CDH12: variants seen among roughly 807,000 people sequenced by gnomAD.
The protein encoded by CDH12 is cadherin 12.
CDH12 carries 41 observed loss-of-function variants against 74.1 expected under a neutral mutation model. That is an observed-to-expected ratio of 0.55 (90% CI 0.43 to 0.72). CDH12 has a LOEUF of 0.72. Ranked by LOEUF, CDH12 falls within the 30% of genes least tolerant of loss-of-function variation. CDH12 has a pLI of 0.00. For missense variants in CDH12, 945 were observed against 977.2 expected (o/e 0.97, Z 0.44); for synonymous variants, 399 against 355.0 (o/e 1.12, Z -1.39).
intron 2 of CDH12, among the ~76,000 whole-genome samples, chr5:22,499,140 C>T (rs930355046): frequency 5.9e-5 from 9 of 151,450 alleles, no homozygotes; most frequent in African/African-American, 1.9e-4. Flanking sequence ...TTTTGAACTC[C>T]TGACCTCAAG....
intron 2 of CDH12, among the ~76,000 whole-genome samples, chr5:22,444,458 G>T (rs1744741857): frequency 6.6e-6 from 1 of 151,782 alleles, no homozygotes. Context: ...GAAATGATAT[G>T]AAAAGGCAAC....
At chr5:22,655,528 C>A (rs1739987267) in intron 1 of CDH12, among the ~76,000 whole-genome samples, 1 of 152,200 alleles carries the variant, frequency 6.6e-6, no homozygotes. Context: ...CAAGCAAGAT[C>A]CATTTTGCAT....
At chr5:21,827,611 C>G (rs4336326) in intron 8 of CDH12, among the ~76,000 whole-genome samples, 132,336 of 152,124 alleles carry the variant, frequency 0.87, 57,822 homozygotes, top group South Asian at 0.91. Context: ...TAATAAATGC[C>G]TATCTGCAAA....
intron 7 of CDH12, among the ~76,000 whole-genome samples, chr5:21,847,789 C>T (rs1372524986): frequency 6.6e-6 from 1 of 152,108 alleles, no homozygotes; most frequent in Non-Finnish European, 1.5e-5. Context: ...CATACATACT[C>T]TTCCTTAATA....
chr5:21,908,453 G>A (rs2150061018), intron 6 of CDH12, among the ~76,000 whole-genome samples: 1 of 152,274 alleles, frequency 6.6e-6, no homozygotes, highest in Middle Eastern at 3.4e-3. Context: ...CCCTGCATGG[G>A]TTGGGCCAAG....
chr5:21,929,938 C>T (rs1016194501), intron 6 of CDH12, among the ~76,000 whole-genome samples: 10 of 152,136 alleles, frequency 6.6e-5, no homozygotes, highest in African/African-American at 2.4e-4. Flanking sequence ...GCCCAAAATG[C>T]CCTCTGGAAA....
chr5:21,894,181 C>G (rs145948749), intron 6 of CDH12, among the ~76,000 whole-genome samples: 31 of 152,106 alleles, frequency 2.0e-4, no homozygotes, highest in African/African-American at 7.5e-4. Flanking sequence ...CAGTTCGAGA[C>G]CAGTCTCATG....
At chr5:22,322,581 T>C (rs1446476378) in intron 3 of CDH12, among the ~76,000 whole-genome samples, 1 of 152,182 alleles carries the variant, frequency 6.6e-6, no homozygotes, top group Non-Finnish European at 1.5e-5. Context: ...TCTGAGACAC[T>C]CATACACATA....
At chr5:22,835,182 G>C (rs1183621231) in intron 1 of CDH12, among the ~76,000 whole-genome samples, 1 of 151,832 alleles carries the variant, frequency 6.6e-6, no homozygotes, top group African/African-American at 2.4e-5. Flanking sequence ...GTCATATCAT[G>C]ATTATTTTTA....
intron 4 of CDH12, among the ~76,000 whole-genome samples, chr5:22,089,724 T>A (rs1331336085): frequency 3.3e-5 from 5 of 151,984 alleles, no homozygotes. Flanking sequence ...AGAAAAAAAA[T>A]TTCGGTACAT....
At chr5:22,740,740 G>A (rs995685085) in intron 1 of CDH12, among the ~76,000 whole-genome samples, 2 of 152,036 alleles carry the variant, frequency 1.3e-5, no homozygotes, top group Non-Finnish European at 2.9e-5. Flanking sequence ...CTGAACTTGT[G>A]TTGGGGAAAG....
rs112698937 is a variant in CDH12 at position 22,577,220 on chromosome 5, C to T, written c.-522-71856G>A. Among the ~76,000 whole-genome samples, 949 of 152,236 alleles carry T rather than the reference C, an allele frequency of 6.2e-3. 9 individuals are homozygous for T. The highest frequency in any genetic ancestry group is 0.021 in the African/African-American group (869 of 41,552). On this transcript the variant is annotated intron_variant, in intron 1 of 14. Transcript: ENST00000382254. ...CAGTCAGCCCTCATCTATAAAAAAACGGGTTAAGCATAGAGCATGCAAAGT... is the reference window on the plus strand; with the variant it reads ...CAGTCAGCCCTCATCTATAAAAAAATGGGTTAAGCATAGAGCATGCAAAGT...
chr5:22,643,121 G>A (rs543538191), intron 1 of CDH12, among the ~76,000 whole-genome samples: 29 of 152,252 alleles, frequency 1.9e-4, no homozygotes, highest in African/African-American at 6.7e-4. Context: ...AATAAAAAGT[G>A]CAAGCTATAT....
At chr5:22,659,101 A>G (rs940012188) in intron 1 of CDH12, among the ~76,000 whole-genome samples, 1 of 152,138 alleles carries the variant, frequency 6.6e-6, no homozygotes, top group Admixed American at 6.5e-5. Context: ...TTAAAGAAAG[A>G]TCTAAATCTG....
At chr5:22,328,091 A>G (rs968590805) in intron 3 of CDH12, among the ~76,000 whole-genome samples, 2 of 152,110 alleles carry the variant, frequency 1.3e-5, no homozygotes, top group Admixed American at 6.6e-5. Context: ...AAAGAGAAAA[A>G]ACTTCACTAG....
chr5:22,342,680 C>CTTTTTCTTTCTTTCTTCT (rs1739918128), intron 3 of CDH12, among the ~76,000 whole-genome samples: 1 of 145,242 alleles, frequency 6.9e-6, no homozygotes, highest in Non-Finnish European at 1.5e-5. Flanking sequence ...TCCTTTCCTT[C>CTTTTTCTTTCTTTCTTCT]TTTTTCTTTC....
intron 1 of CDH12, among the ~76,000 whole-genome samples, chr5:22,536,509 T>C (rs1737851830): frequency 6.6e-6 from 1 of 152,160 alleles, no homozygotes; most frequent in African/African-American, 2.4e-5. Context: ...TGGTATTTTT[T>C]ACAGGTCCTA....
chr5:22,712,683 G>A (rs866982727), intron 1 of CDH12, among the ~76,000 whole-genome samples: 23 of 151,998 alleles, frequency 1.5e-4, no homozygotes, highest in African/African-American at 4.8e-4. Flanking sequence ...ACCTTATGAA[G>A]TACACATTAA....
At chr5:22,112,480 A>C (rs1347103821) in intron 4 of CDH12, among the ~76,000 whole-genome samples, 1 of 152,160 alleles carries the variant, frequency 6.6e-6, no homozygotes, top group East Asian at 1.9e-4. Flanking sequence ...TGAGCTACTA[A>C]TCCAAACACA....
Sources: gnomAD v4.1 joint callset for allele counts (sites outside exome capture counted in the v4.1 genomes callset) on GRCh38, gnomAD v4.1.1 for gene constraint, MANE v1.5 for transcripts, NCBI Gene and HGNC (gene_info 2026-07-23, HGNC 2026-07-21) for gene names.